Variants in RUNX1T1 observed in about 807,000 individuals in gnomAD.
RUNX1T1 encodes the protein protein CBFA2T1.
RUNX1T1 carries 4 observed loss-of-function variants against 62.8 expected under a neutral mutation model. The observed-to-expected ratio is 0.06, with a 90% CI of 0.03 to 0.15. The LOEUF (loss-of-function observed/expected upper bound fraction) is 0.15. Ranked by LOEUF, RUNX1T1 falls within the 10% of genes least tolerant of loss-of-function variation. The pLI is 1.00. For missense variants in RUNX1T1, 508 were observed against 754.3 expected (o/e 0.67, Z 3.82); for synonymous variants, 291 against 286.0 (o/e 1.02, Z -0.18).
chr8:92,063,603 A>G (rs561549951), upstream of RUNX1T1: 1 of 152,308 alleles, frequency 6.6e-6, no homozygotes, highest in African/African-American at 2.4e-5. Flanking sequence ...TGCTTTATCT[A>G]AAGCTGGCTA....
intron 1 of RUNX1T1, among the ~76,000 whole-genome samples, chr8:92,051,600 A>ACT (rs1360628177): frequency 1.2e-4 from 17 of 145,366 alleles, no homozygotes; most frequent in South Asian, 2.2e-4. Context: ...ACACACACAC[A>ACT]CACTCTCTCT....
At chr8:91,961,683 A>G (rs1445438931) in intron 10 of RUNX1T1, among the ~76,000 whole-genome samples, 1 of 152,138 alleles carries the variant, frequency 6.6e-6, no homozygotes, top group African/African-American at 2.4e-5. Context: ...GGGGAGGGGG[A>G]CCTCACAAAG....
At chr8:92,025,267 T>G (rs1250384913) in intron 1 of RUNX1T1, among the ~76,000 whole-genome samples, 1 of 152,192 alleles carries the variant, frequency 6.6e-6, no homozygotes, top group Non-Finnish European at 1.5e-5. Context: ...CTTGTAATCT[T>G]TAAACATCTC....
intron 2 of RUNX1T1, 63 bp downstream of exon 3, chr8:92,017,163 T>A (rs984310628): frequency 3.3e-5 from 39 of 1,190,036 alleles, no homozygotes; most frequent in Non-Finnish European, 4.6e-5. Context: ...ATTTTTCATT[T>A]GCAGAAAAAA....
chr8:91,970,018 C>CTGTGTGTGTG (rs1554595112), intron 10 of RUNX1T1, among the ~76,000 whole-genome samples: 1 of 142,548 alleles, frequency 7.0e-6, no homozygotes, highest in African/African-American at 2.7e-5. Context: ...TTTAGGCTAG[C>CTGTGTGTGTG]TGTGTGTGTG....
At chr8:91,984,832 G>C (rs1471873657) in intron 8 of RUNX1T1, among the ~76,000 whole-genome samples, 2 of 151,884 alleles carry the variant, frequency 1.3e-5, no homozygotes, top group African/African-American at 4.8e-5. Flanking sequence ...TTCTGTTTTC[G>C]TTGCTTGCCT....
At chr8:92,033,324 A>T (rs528178796) in intron 1 of RUNX1T1, among the ~76,000 whole-genome samples, 4 of 152,362 alleles carry the variant, frequency 2.6e-5, no homozygotes, top group African/African-American at 4.8e-5. Context: ...GTTACAAAGC[A>T]GTATGTTTTA....
intron 1 of RUNX1T1, chr8:92,095,021 T>G (rs1225084204): frequency 2.0e-6 from 3 of 1,533,014 alleles, no homozygotes; most frequent in Non-Finnish European, 2.6e-6. Context: ...CCCTCCGGTA[T>G]TCTCACCTCG....
At chr8:92,094,940 A>G (rs1837567417) in intron 1 of RUNX1T1, 2 of 943,588 alleles carry the variant, frequency 2.1e-6, no homozygotes, top group South Asian at 3.0e-5. Flanking sequence ...TAAATAATCT[A>G]TTGTTCCCCC....
At chr8:92,032,721 G>A (rs1217550707) in intron 1 of RUNX1T1, among the ~76,000 whole-genome samples, 1 of 152,100 alleles carries the variant, frequency 6.6e-6, no homozygotes, top group East Asian at 1.9e-4. Flanking sequence ...CAAGGCTCCA[G>A]TGAGCTATGA....
chr8:91,984,250 A>G (rs1192506748), intron 8 of RUNX1T1, among the ~76,000 whole-genome samples: 1 of 152,190 alleles, frequency 6.6e-6, no homozygotes, highest in Non-Finnish European at 1.5e-5. Context: ...CCTGGAGAAC[A>G]TGATATATAC....
At chr8:92,100,894 T>C (rs1838005351), upstream of RUNX1T1, among the ~76,000 whole-genome samples, 2 of 152,228 alleles carry the variant, frequency 1.3e-5, no homozygotes, top group African/African-American at 4.8e-5. Flanking sequence ...TGGTGTTTGG[T>C]GACCTTTTCT....
At chr8:92,017,261 C>T in exon 2 of RUNX1T1, 1 of 1,613,902 alleles carries the variant, frequency 6.2e-7, no homozygotes, top group Non-Finnish European at 8.5e-7. Context: ...TCTTGGAGCT[C>T]CTTGAGTAGT....
chr8:92,070,707 C>T (rs1833541870), intron 2 of RUNX1T1, among the ~76,000 whole-genome samples: 1 of 152,234 alleles, frequency 6.6e-6, no homozygotes, highest in East Asian at 1.9e-4. Context: ...AGAATCAATT[C>T]CTTGGAGCTG....
At chr8:92,085,470 A>G (rs1835953108) in intron 1 of RUNX1T1, among the ~76,000 whole-genome samples, 1 of 152,232 alleles carries the variant, frequency 6.6e-6, no homozygotes, top group Non-Finnish European at 1.5e-5. Context: ...ATTTAATGAT[A>G]TATCTCAGGA....
upstream of RUNX1T1, chr8:92,102,793 A>T: frequency 6.9e-7 from 1 of 1,443,196 alleles, no homozygotes. The surrounding 1 kb of genome is among the most constrained non-coding windows in gnomAD (Gnocchi z 4.5). Flanking sequence ...AACAGTAATT[A>T]ATAACAGTCA....
intron 5 of RUNX1T1, chr8:92,003,222 A>G (rs1008203572): frequency 2.5e-5 from 10 of 394,662 alleles, no homozygotes; most frequent in Non-Finnish European, 5.1e-5. Flanking sequence ...GCGACAGAGC[A>G]TCAAAACAAG....
intron 5 of RUNX1T1, among the ~76,000 whole-genome samples, chr8:92,000,125 G>A (rs2130968962): frequency 6.6e-6 from 1 of 152,140 alleles, no homozygotes; most frequent in Admixed American, 6.5e-5. Context: ...GGCCAATATG[G>A]TGAAACCCCG....
At chr8:92,085,681 T>C (rs1197670825) in intron 1 of RUNX1T1, among the ~76,000 whole-genome samples, 1 of 152,164 alleles carries the variant, frequency 6.6e-6, no homozygotes, top group African/African-American at 2.4e-5. Context: ...GCCAGCATGT[T>C]TTTAAATTAA....
Sources: allele counts gnomAD v4.1 joint callset (sites outside exome capture counted in the v4.1 genomes callset), GRCh38; gene constraint gnomAD v4.1.1; non-coding constraint Gnocchi (gnomAD v3.1); transcripts MANE v1.5; gene names NCBI Gene and HGNC (gene_info 2026-07-23, HGNC 2026-07-21).